The following DAB1 variants were observed in gnomAD, a reference collection of about 807,000 sequenced individuals.
DAB1 encodes the protein disabled homolog 1.
DAB1 carries 15 observed loss-of-function variants against 64.6 expected under a neutral mutation model. That is an observed-to-expected ratio of 0.23 (90% CI 0.16 to 0.36). DAB1 has a LOEUF of 0.36. DAB1 is among the 10% of genes least tolerant of loss of function. The probability of loss-of-function intolerance (pLI) is 1.00; values close to 1 mark genes in which losing one functional copy is unlikely to be tolerated. For synonymous variants in DAB1, 235 were observed against 251.9 expected (o/e 0.93, Z 0.64); for missense variants, 596 against 706.7 (o/e 0.84, Z 1.78).
intron 7 of DAB1, among the ~76,000 whole-genome samples, chr1:57,464,027 C>A (rs1362824793): frequency 1.3e-5 from 2 of 152,080 alleles, no homozygotes; most frequent in Non-Finnish European, 1.5e-5. Flanking sequence ...GGAAGCTAAA[C>A]CATATTAATC....
chr1:57,234,342 T>G (rs1048923948), intron 2 of DAB1, among the ~76,000 whole-genome samples: 2 of 152,188 alleles, frequency 1.3e-5, no homozygotes, highest in Admixed American at 1.3e-4. Context: ...CCACCCTGAC[T>G]CTCAGTGGTT....
chr1:58,453,368 C>T (rs1176537964), intron 3 of DAB1, among the ~76,000 whole-genome samples: 1 of 152,116 alleles, frequency 6.6e-6, no homozygotes, highest in Admixed American at 6.5e-5. Flanking sequence ...CATGTAAGCT[C>T]ATATAATAAT....
chr1:57,243,149 C>T (rs1248386128), intron 2 of DAB1, among the ~76,000 whole-genome samples: 3 of 152,246 alleles, frequency 2.0e-5, no homozygotes, highest in African/African-American at 7.2e-5. Context: ...ATCTACCCAG[C>T]TAAATGGAAA....
intron 14 of DAB1, among the ~76,000 whole-genome samples, chr1:57,006,982 C>T (rs1211086055): frequency 6.6e-6 from 1 of 151,970 alleles, no homozygotes; most frequent in Non-Finnish European, 1.5e-5. Context: ...TGTTTTGTTT[C>T]TTCCTTTCTT....
rs905023897 is a variant in DAB1 at position 58,115,005 on chromosome 1, A to T, written n.387+35506T>A. Among the ~76,000 whole-genome samples the T allele has an allele frequency of 9.2e-5, 14 of 151,838 alleles. 1 individual carries two copies. The highest frequency in any genetic ancestry group is 1.5e-4 in the African/African-American group (6 of 41,292). On this transcript the variant is annotated intron_variant and non_coding_transcript_variant, in intron 5 of 20. Transcript: ENST00000485760. ...GACAAATGGGATCTAATTAAACTAA[A>T]GAGCTTCTGCACAGCAAAAGAAACT...
intron 5 of DAB1, among the ~76,000 whole-genome samples, chr1:58,099,476 C>T (rs1467461544): frequency 6.6e-6 from 1 of 152,196 alleles, no homozygotes; most frequent in Non-Finnish European, 1.5e-5. Flanking sequence ...TTAACACTGC[C>T]TGAATCAAAA....
intron 4 of DAB1, among the ~76,000 whole-genome samples, chr1:58,227,973 A>G (rs577808977): frequency 5.3e-5 from 8 of 152,242 alleles, no homozygotes; most frequent in Non-Finnish European, 1.2e-4. Context: ...CCTGATGTAG[A>G]CATCGTTGCT....
At chr1:57,899,218 A>T (rs549456394) in intron 5 of DAB1, among the ~76,000 whole-genome samples, 1 of 152,160 alleles carries the variant, frequency 6.6e-6, no homozygotes, top group African/African-American at 2.4e-5. Flanking sequence ...AAGTTTGAAT[A>T]GAGAGCAGAT....
chr1:58,406,469 G>A (rs779079397), intron 3 of DAB1, among the ~76,000 whole-genome samples: 15 of 152,204 alleles, frequency 9.9e-5, no homozygotes, highest in Non-Finnish European at 1.3e-4. Context: ...AGCCCTGGGC[G>A]TTTCCGGCCA....
intron 1 of DAB1, among the ~76,000 whole-genome samples, chr1:57,838,231 T>C: frequency 6.6e-6 from 1 of 152,140 alleles, no homozygotes. Context: ...AAACATGCAA[T>C]AATATCAAAT....
At chr1:58,471,710 A>T (rs750377300) in intron 3 of DAB1, among the ~76,000 whole-genome samples, 1 of 152,054 alleles carries the variant, frequency 6.6e-6, no homozygotes, top group South Asian at 2.1e-4. Context: ...ATAGTGAGTG[A>T]GTTATCACAA....
intron 4 of DAB1, among the ~76,000 whole-genome samples, chr1:58,167,927 AG>A (rs1655952703): frequency 2.0e-5 from 3 of 152,234 alleles, no homozygotes; most frequent in Non-Finnish European, 2.9e-5. Context: ...ACTCACTGTG[AG>A]GGTCCACAGC....
chr1:57,889,560 A>ATGTCACTAAGCC (rs1644275409), intron 5 of DAB1, among the ~76,000 whole-genome samples: 1 of 152,242 alleles, frequency 6.6e-6, no homozygotes, highest in Non-Finnish European at 1.5e-5. Context: ...GCCTGGGAAT[A>ATGTCACTAAGCC]TGTCACTAAG....
chr1:58,343,548 GAA>G (rs1361391065), intron 3 of DAB1: 1 of 152,224 alleles, frequency 6.6e-6, no homozygotes, highest in Admixed American at 6.5e-5. Flanking sequence ...CAAATAGATG[GAA>G]GAGTCAAGTT....
At chr1:57,482,374 TC>T (rs1644032077) in intron 7 of DAB1, among the ~76,000 whole-genome samples, 1 of 145,256 alleles carries the variant, frequency 6.9e-6, no homozygotes, top group Non-Finnish European at 1.5e-5. Flanking sequence ...TGAAGAATCA[TC>T]AAATAAATAT....
chr1:57,667,076 G>A (rs1646457512), intron 6 of DAB1, among the ~76,000 whole-genome samples: 1 of 151,992 alleles, frequency 6.6e-6, no homozygotes, highest in Non-Finnish European at 1.5e-5. Context: ...AACATACTAG[G>A]TACTCTTCTA....
chr1:57,353,668 G>T (rs1678810587), intron 1 of DAB1, among the ~76,000 whole-genome samples: 1 of 152,118 alleles, frequency 6.6e-6, no homozygotes, highest in African/African-American at 2.4e-5. Flanking sequence ...CCTGCCTGAG[G>T]TCATACTGAG....
chr1:58,129,847 T>C (rs923919982), intron 5 of DAB1, among the ~76,000 whole-genome samples: 2 of 150,908 alleles, frequency 1.3e-5, no homozygotes, highest in African/African-American at 4.9e-5. Context: ...TCTGTTCTTT[T>C]ACATTTGCTG....
intron 6 of DAB1, among the ~76,000 whole-genome samples, chr1:57,813,866 A>G (rs1437342968): frequency 6.6e-6 from 1 of 152,252 alleles, no homozygotes; most frequent in Non-Finnish European, 1.5e-5. Flanking sequence ...TCAATAAACA[A>G]TAAAGTCCAC....
Sources: allele counts gnomAD v4.1 joint callset (sites outside exome capture counted in the v4.1 genomes callset), GRCh38; gene constraint gnomAD v4.1.1; transcripts MANE v1.5; gene names NCBI Gene and HGNC (gene_info 2026-07-23, HGNC 2026-07-21).